Variants in UNC79 observed in about 807,000 individuals in gnomAD.
UNC79 encodes the protein protein unc-79 homolog.
Under a neutral mutation model 283.1 loss-of-function variants are expected in UNC79, and 37 were observed. The ratio of observed to expected loss-of-function variants is 0.13; its 90% CI spans 0.10 to 0.17. UNC79 has a LOEUF of 0.17. Among genes scored for constraint, UNC79 ranks in the 10% least tolerant of loss-of-function variants. UNC79 has a pLI of 1.00. For missense variants in UNC79, 2,272 were observed against 3,211.1 expected, an observed-to-expected ratio of 0.71 and a Z score of 7.07; for synonymous variants, 1,107 against 1,200.2, an observed-to-expected ratio of 0.92 and a Z score of 1.61.
At chr14:93,488,120 A>G (rs530113561) in intron 5 of UNC79, among the ~76,000 whole-genome samples, 14 of 152,360 alleles carry the variant, frequency 9.2e-5, no homozygotes, top group African/African-American at 3.1e-4. Flanking sequence ...ATCCTTAAAC[A>G]TAAACCTTTC....
At chr14:93,475,015 G>A (rs2057721808) in intron 3 of UNC79, among the ~76,000 whole-genome samples, 1 of 152,264 alleles carries the variant, frequency 6.6e-6, no homozygotes, top group East Asian at 1.9e-4. Flanking sequence ...TTTGCAGTAT[G>A]TATACAATAT....
At chr14:93,500,759 C>T (rs1167681112) in intron 7 of UNC79, among the ~76,000 whole-genome samples, 1 of 152,062 alleles carries the variant, frequency 6.6e-6, no homozygotes, top group Non-Finnish European at 1.5e-5. Context: ...GAATTTGAGC[C>T]CCACATTTTT....
chr14:93,586,896 T>G, exon 22 of UNC79: 1 of 1,613,774 alleles, frequency 6.2e-7, no homozygotes, highest in East Asian at 2.2e-5. Flanking sequence ...CAGGACCACA[T>G]GTTGATTGCA....
At chr14:93,650,329 G>A (rs1262941439) in intron 35 of UNC79, among the ~76,000 whole-genome samples, 1 of 151,976 alleles carries the variant, frequency 6.6e-6, no homozygotes, top group Non-Finnish European at 1.5e-5. Context: ...AAATACCTAG[G>A]GATGATATTG....
chr14:93,592,158 T>TTACA (rs2064730991), intron 22 of UNC79, among the ~76,000 whole-genome samples: 1 of 151,726 alleles, frequency 6.6e-6, no homozygotes, highest in South Asian at 2.1e-4. Flanking sequence ...TATACATTCA[T>TTACA]TACATAACTT....
At chr14:93,411,922 T>G (rs919795532) in intron 1 of UNC79, among the ~76,000 whole-genome samples, 2 of 152,170 alleles carry the variant, frequency 1.3e-5, no homozygotes, top group African/African-American at 4.8e-5. Flanking sequence ...CAGAAAAACA[T>G]GACCTTATCA....
At chr14:93,488,835 A>C (rs1290810706) in intron 5 of UNC79, among the ~76,000 whole-genome samples, 3 of 152,212 alleles carry the variant, frequency 2.0e-5, no homozygotes, top group Non-Finnish European at 4.4e-5. Flanking sequence ...CCTCCTTTAT[A>C]AAGGCAGTAA....
At chr14:93,689,043 C>T (rs959653789) in intron 44 of UNC79, 3 of 524,116 alleles carry the variant, frequency 5.7e-6, no homozygotes, top group African/African-American at 3.9e-5. Flanking sequence ...AAAAATAAAC[C>T]TGTCCTCCCA....
chr14:93,333,794 A>T (rs964106854), intron 1 of UNC79, among the ~76,000 whole-genome samples: 1 of 152,160 alleles, frequency 6.6e-6, no homozygotes, highest in Admixed American at 6.5e-5. Flanking sequence ...AGAGAGATCC[A>T]TGGTTTCATT....
chr14:93,707,599 T>G (rs1334234073), downstream of UNC79: 2 of 152,266 alleles, frequency 1.3e-5, no homozygotes, highest in East Asian at 3.8e-4. Flanking sequence ...TTTATTCTTT[T>G]GTTAATACTT....
At chr14:93,609,138 A>G (rs186118337) in intron 26 of UNC79, among the ~76,000 whole-genome samples, 1 of 152,294 alleles carries the variant, frequency 6.6e-6, no homozygotes, top group East Asian at 1.9e-4. Context: ...ATCACATCCA[A>G]TTGCTGAGAG....
chr14:93,530,802 G>A (rs922693718), intron 10 of UNC79, among the ~76,000 whole-genome samples: 2 of 151,936 alleles, frequency 1.3e-5, no homozygotes, highest in Admixed American at 1.3e-4. Context: ...CCAGCTACTC[G>A]GGAGGCTGAG....
chr14:93,662,175 T>C (rs1275661971), intron 39 of UNC79, among the ~76,000 whole-genome samples: 1 of 152,182 alleles, frequency 6.6e-6, no homozygotes, highest in East Asian at 1.9e-4. Flanking sequence ...ACTTTAGTAC[T>C]TACACGTAAG....
At chr14:93,687,027 TC>T (rs2074293987) in intron 43 of UNC79, among the ~76,000 whole-genome samples, 1 of 152,158 alleles carries the variant, frequency 6.6e-6, no homozygotes, top group Admixed American at 6.5e-5. Flanking sequence ...AACCCAAGAT[TC>T]TTGTGACTCT....
In UNC79 at chr14:93,621,507, C is replaced by T; in HGVS notation, c.4388-114C>T. On this transcript the variant is annotated intron_variant, in intron 29 of 48. Coordinates refer to ENST00000555664, the Ensembl canonical transcript of UNC79. The surrounding 1 kb of genome is among the most constrained non-coding windows in gnomAD (Gnocchi z 4.8). ...TTGGCCAGAAAGTTCGTTTTCCCTC[C>T]TGGTGGAGCTGGGATTGTGATGATG... 7.8e-7 allele frequency: 1 copy of T among 1,281,562 alleles called. No homozygotes were observed. The highest frequency in any genetic ancestry group is 1.0e-6 in the Non-Finnish European group (1 of 979,202). The allele number at this position is 1,281,562 out of a possible 1,614,324, so 79.4% of individuals were successfully genotyped here.
chr14:93,380,052 T>G (rs1000259306), intron 1 of UNC79, among the ~76,000 whole-genome samples: 13 of 152,178 alleles, frequency 8.5e-5, no homozygotes, highest in African/African-American at 3.1e-4. Context: ...CTTCCTCAAT[T>G]TAACTTCACA....
rs1010864402 is a variant in UNC79 at position 93,604,604 on chromosome 14, A to G, written c.3754+1186A>G. Among the ~76,000 whole-genome samples, 5 of 152,236 alleles carry G rather than the reference A, an allele frequency of 3.3e-5. No homozygotes were observed. In the East Asian group the frequency reaches 7.7e-4, roughly 23 times the overall value. Reference sequence around the variant, plus strand: ...ATAACAAATTTTATATGAGTTTCCCAGCTCTATTTATATCCTAACTGATAA... The same window carrying G: ...ATAACAAATTTTATATGAGTTTCCCGGCTCTATTTATATCCTAACTGATAA... On this transcript the variant is annotated intron_variant, in intron 26 of 48. Transcript: ENST00000555664.
At chr14:93,701,738 G>T (rs1328235741) in intron 47 of UNC79, among the ~76,000 whole-genome samples, 1 of 152,210 alleles carries the variant, frequency 6.6e-6, no homozygotes, top group Non-Finnish European at 1.5e-5. Flanking sequence ...ATAATGATGA[G>T]CTTTAACTGG....
At chr14:93,656,528 C>T (rs181036264) in intron 38 of UNC79, among the ~76,000 whole-genome samples, 36 of 151,870 alleles carry the variant, frequency 2.4e-4, no homozygotes, top group African/African-American at 8.7e-4. Flanking sequence ...GTGGCATGCA[C>T]CTGTAGTCCC....
Sources: gnomAD v4.1 joint callset for allele counts (sites outside exome capture counted in the v4.1 genomes callset) on GRCh38, gnomAD v4.1.1 for gene constraint, Gnocchi (gnomAD v3.1) non-coding constraint, MANE v1.5 for transcripts, NCBI Gene and HGNC (gene_info 2026-07-23, HGNC 2026-07-21) for gene names.